Variants in MCF2L2 observed in about 807,000 individuals in gnomAD.
MCF2L2 encodes probable guanine nucleotide exchange factor MCF2L2.
MCF2L2 carries 102 observed loss-of-function variants against 150.2 expected under a neutral mutation model. That is an observed-to-expected ratio of 0.68 (90% CI 0.58 to 0.80). MCF2L2 has a LOEUF of 0.80. Among genes scored for constraint, MCF2L2 ranks in the 30% least tolerant of loss-of-function variants. MCF2L2 has a pLI of 0.00. For missense variants in MCF2L2, 1,256 were observed against 1,372.8 expected, an observed-to-expected ratio of 0.91 and a Z score of 1.34; for synonymous variants, 465 against 491.3, an observed-to-expected ratio of 0.95 and a Z score of 0.71.
chr3:183,322,907 T>C (rs1029492147), intron 6 of MCF2L2, among the ~76,000 whole-genome samples: 7 of 152,152 alleles, frequency 4.6e-5, no homozygotes, highest in African/African-American at 1.4e-4. Flanking sequence ...TGTGTTAATG[T>C]CTAAGACCCA....
intron 1 of MCF2L2, among the ~76,000 whole-genome samples, chr3:183,425,058 C>T (rs1051103712): frequency 6.6e-6 from 1 of 151,420 alleles, no homozygotes; most frequent in Admixed American, 6.6e-5. Context: ...TTGTTTGGCT[C>T]GTAGTATACA....
chr3:183,229,296 G>A (rs963990503), intron 17 of MCF2L2, among the ~76,000 whole-genome samples: 7 of 152,332 alleles, frequency 4.6e-5, no homozygotes, highest in African/African-American at 1.2e-4. Flanking sequence ...ATCCCCTTAT[G>A]ATAGTAGTAT....
intron 5 of MCF2L2, among the ~76,000 whole-genome samples, chr3:183,336,825 C>A (rs905433249): frequency 2.7e-5 from 4 of 150,778 alleles, no homozygotes; most frequent in Admixed American, 6.6e-5. Flanking sequence ...CACTGCACTC[C>A]AGCCTGGGCA....
In MCF2L2 at chr3:183,179,552, TTAGTCTTTC is replaced by T; in HGVS notation, c.3221+16_3221+24del. The stretch of plus-strand genomic sequence containing the variant: ...GAGACGCCGTGGCCCAAAGAGGCGC[TTAGTCTTTC>T]CTCGCTCACACTCACGTTTCCTCCT... On this transcript the variant is annotated intron_variant, in intron 29 of 29. Coordinates refer to ENST00000328913, the MANE Select transcript of MCF2L2 (RefSeq NM_015078.4). The surrounding 1 kb of genome is among the most constrained non-coding windows in gnomAD (Gnocchi z 4.2). The T allele has an allele frequency of 6.2e-7, 1 of 1,613,278 alleles. No homozygotes were observed. Among genetic ancestry groups the T allele is most frequent in the South Asian group, 1.1e-5 (1 of 91,006 alleles).
chr3:183,339,335 G>A (rs1014327626), intron 4 of MCF2L2, among the ~76,000 whole-genome samples: 2 of 151,822 alleles, frequency 1.3e-5, no homozygotes, highest in African/African-American at 4.8e-5. Context: ...AAAATATTTT[G>A]TAACCGGCCT....
At chr3:183,323,380 C>A in intron 5 of MCF2L2, 29 bp from the exon 6 acceptor site, 1 of 1,180,388 alleles carries the variant, frequency 8.5e-7, no homozygotes, top group Non-Finnish European at 1.3e-6. Flanking sequence ...ATTAAACATA[C>A]TCCTCATTGA....
intron 15 of MCF2L2, among the ~76,000 whole-genome samples, chr3:183,243,919 G>A (rs554505850): frequency 2.6e-4 from 39 of 152,182 alleles, no homozygotes; most frequent in African/African-American, 8.4e-4. Flanking sequence ...GGCGGATCAC[G>A]AGGTCAGGAG....
At chr3:183,244,525 T>C (rs1724167973) in intron 15 of MCF2L2, among the ~76,000 whole-genome samples, 1 of 152,220 alleles carries the variant, frequency 6.6e-6, no homozygotes, top group Non-Finnish European at 1.5e-5. Flanking sequence ...TCTATCCTAT[T>C]AGTTCTGTAC....
intron 27 of MCF2L2, among the ~76,000 whole-genome samples, chr3:183,190,412 G>T: frequency 6.6e-6 from 1 of 152,218 alleles, no homozygotes; most frequent in Non-Finnish European, 1.5e-5. Context: ...TCTTCAGTCA[G>T]GTTCCCCAGA....
rs1186877175 is a variant in MCF2L2, at chr3:183,318,130, T to C, written c.691A>G (p.Arg231Gly). ...GSCLATAELP[R>G]SMLSTEDLLM... ...AGGTCTTCCGTGGATAGCATGCTTCTGGGCAGCTCTGCTGTGGCCAGGCAG... is the reference window on the plus strand; with the variant it reads ...AGGTCTTCCGTGGATAGCATGCTTCCGGGCAGCTCTGCTGTGGCCAGGCAG... The change falls in exon 7 of 30, where the codon AGA becomes GGA. Residue 231 changes from arginine to glycine, a missense_variant. Transcript: ENST00000328913. The C allele has an allele frequency of 6.2e-7, 1 of 1,614,090 alleles. No homozygotes were observed. Among genetic ancestry groups the C allele is most frequent in the Non-Finnish European group, 8.5e-7 (1 of 1,180,024 alleles).
intron 7 of MCF2L2, among the ~76,000 whole-genome samples, chr3:183,314,258 T>C (rs1226658482): frequency 1.3e-5 from 2 of 152,194 alleles, no homozygotes; most frequent in African/African-American, 4.8e-5. Flanking sequence ...AAACTGTAGC[T>C]CAGGCTGGGG....
At chr3:183,282,495 T>A (rs1401982216) in intron 14 of MCF2L2, among the ~76,000 whole-genome samples, 1 of 152,200 alleles carries the variant, frequency 6.6e-6, no homozygotes, top group Non-Finnish European at 1.5e-5. Context: ...TGACTGCAAA[T>A]GTTTTAATAA....
At chr3:183,330,302 A>G (rs1338111370) in intron 5 of MCF2L2, among the ~76,000 whole-genome samples, 1 of 151,876 alleles carries the variant, frequency 6.6e-6, no homozygotes, top group Non-Finnish European at 1.5e-5. Flanking sequence ...AAAGGAAAGG[A>G]AAGGAAAAAC....
chr3:183,250,850 A>G (rs1241836806), intron 15 of MCF2L2, among the ~76,000 whole-genome samples: 1 of 152,188 alleles, frequency 6.6e-6, no homozygotes, highest in Non-Finnish European at 1.5e-5. Flanking sequence ...ACACAGCATG[A>G]GCCTACCTCT....
At chr3:183,263,892 G>T (rs2108427655) in intron 15 of MCF2L2, among the ~76,000 whole-genome samples, 1 of 152,092 alleles carries the variant, frequency 6.6e-6, no homozygotes, top group African/African-American at 2.4e-5. Context: ...TGATTTTCTT[G>T]AAAGGGCCTT....
chr3:183,400,316 T>C (rs941147838), intron 1 of MCF2L2: 11 of 409,366 alleles, frequency 2.7e-5, no homozygotes, highest in African/African-American at 2.3e-4. Context: ...ATAAAACACA[T>C]ACATAAAACA....
intron 15 of MCF2L2, among the ~76,000 whole-genome samples, chr3:183,233,962 G>T (rs1201104865): frequency 1.3e-5 from 2 of 152,176 alleles, no homozygotes; most frequent in Non-Finnish European, 2.9e-5. Flanking sequence ...TGATAAACAA[G>T]ATGTACCACA....
At chr3:183,419,000 C>G (rs1248417610) in intron 1 of MCF2L2, among the ~76,000 whole-genome samples, 4 of 152,222 alleles carry the variant, frequency 2.6e-5, no homozygotes, top group East Asian at 3.8e-4. Context: ...AGGGCTCTGC[C>G]CCTGCAGCAG....
intron 27 of MCF2L2, chr3:183,180,402 C>G (rs1201963213): frequency 2.3e-6 from 1 of 432,532 alleles, no homozygotes; most frequent in African/African-American, 2.0e-5. Context: ...CATGGCCCTA[C>G]CTCCCCGTTC....
Sources: allele counts gnomAD v4.1 joint callset (sites outside exome capture counted in the v4.1 genomes callset), GRCh38; gene constraint gnomAD v4.1.1; non-coding constraint Gnocchi (gnomAD v3.1); transcripts MANE v1.5; gene names NCBI Gene and HGNC (gene_info 2026-07-23, HGNC 2026-07-21).